PHF2: variants seen among roughly 807,000 people sequenced by gnomAD.
PHF2 encodes the protein PHD finger protein 2.
In PHF2, 27 loss-of-function variants were observed where a neutral mutation model predicts 120.5. That is an observed-to-expected ratio of 0.22 (90% CI 0.17 to 0.31). The LOEUF (loss-of-function observed/expected upper bound fraction) is 0.31. PHF2 is among the 10% of genes least tolerant of loss of function. PHF2 has a pLI of 1.00. For missense variants in PHF2, 1,024 were observed against 1,434.8 expected (o/e 0.71, Z 4.63); for synonymous variants, 568 against 592.5 (o/e 0.96, Z 0.60).
At chr9:93,591,064 C>T (rs1362367460) in intron 1 of PHF2, among the ~76,000 whole-genome samples, 2 of 152,188 alleles carry the variant, frequency 1.3e-5, no homozygotes, top group Non-Finnish European at 2.9e-5. Context: ...GATCCAACAT[C>T]ACTCAGCAGA....
Position 93,656,630 on chromosome 9 carries a change from G to A in PHF2, c.1147+35G>A, listed in dbSNP as rs1221302047. The A allele has an allele frequency of 1.3e-6, 2 of 1,484,080 alleles. No individual in the cohort carries two copies. The highest frequency in any genetic ancestry group is 1.9e-6 in the Non-Finnish European group (2 of 1,064,318). The allele number at this position is 1,484,080 out of a possible 1,614,324, so 91.9% of individuals were successfully genotyped here. ...ACTCCGGGGTGGGCGTCCAAGCCTG[G>A]GGCTCTTGGCTGTGGGGGCAGCCAG... On this transcript the variant is annotated intron_variant, in intron 9 of 21. Coordinates refer to ENST00000359246, the MANE Select transcript of PHF2 (RefSeq NM_005392.4). This position sits in a 1 kb window ranked among gnomAD's most constrained non-coding sequence, Gnocchi z 4.1.
At chr9:93,634,501 C>T (rs1030477197) in intron 2 of PHF2, among the ~76,000 whole-genome samples, 2 of 152,226 alleles carry the variant, frequency 1.3e-5, no homozygotes, top group Non-Finnish European at 2.9e-5. Context: ...CAGCCTTGCA[C>T]GGAGCCAAGA....
chr9:93,631,899 T>A (rs1431076610), intron 2 of PHF2, among the ~76,000 whole-genome samples: 1 of 152,000 alleles, frequency 6.6e-6, no homozygotes, highest in South Asian at 2.1e-4. Flanking sequence ...GAAAAGAAAG[T>A]GTCAGAAACC....
intron 7 of PHF2, among the ~76,000 whole-genome samples, chr9:93,655,048 A>G (rs981770940): frequency 1.6e-4 from 25 of 152,298 alleles, no homozygotes; most frequent in African/African-American, 5.8e-4. Flanking sequence ...GCTGAAGGAG[A>G]AGGCCCGTCA....
intron 1 of PHF2, among the ~76,000 whole-genome samples, chr9:93,619,091 A>G (rs1459502408): frequency 6.6e-6 from 1 of 151,812 alleles, no homozygotes; most frequent in Non-Finnish European, 1.5e-5. Context: ...GCAGAGGTGG[A>G]TCACCCCCAG....
At chr9:93,673,130 T>G (rs1826840920) in intron 17 of PHF2, among the ~76,000 whole-genome samples, 1 of 151,608 alleles carries the variant, frequency 6.6e-6, no homozygotes, top group South Asian at 2.1e-4. Context: ...CCCTACAAAG[T>G]GGGGTAAGGA....
intron 3 of PHF2, among the ~76,000 whole-genome samples, chr9:93,642,440 A>G (rs1194056968): frequency 6.6e-6 from 1 of 152,248 alleles, no homozygotes; most frequent in East Asian, 1.9e-4. Context: ...TATTTCAGCA[A>G]AGGCTTATGA....
At position 93,656,147 on chromosome 9, in the gene PHF2, C is replaced by G; in HGVS notation, c.1040+126C>G. The G allele has an allele frequency of 1.4e-6, 1 of 735,734 alleles. No individual in the cohort carries two copies. The highest frequency in any genetic ancestry group is 2.2e-5 in the Admixed American group (1 of 44,712). The allele number at this position is 735,734 out of a possible 1,614,324, so 45.6% of individuals were successfully genotyped here. The stretch of plus-strand genomic sequence containing the variant: ...CGCCTGTGGGTGGCCTGGACATGAC[C>G]GTCAGCCTCGGTGGGCCTCTTTGTG... On this transcript the variant is annotated intron_variant, in intron 8 of 21. Transcript: ENST00000359246. The surrounding 1 kb of genome is among the most constrained non-coding windows in gnomAD (Gnocchi z 4.1).
intron 4 of PHF2, 147 bp downstream of exon 4, chr9:93,645,936 C>T (rs867246582): frequency 1.7e-5 from 16 of 925,742 alleles, no homozygotes; most frequent in Admixed American, 1.4e-4. Flanking sequence ...ACTCTGTTCC[C>T]GGTGCTCTTA....
intron 4 of PHF2, among the ~76,000 whole-genome samples, chr9:93,647,402 G>A (rs1178732136): frequency 1.3e-5 from 2 of 152,168 alleles, no homozygotes; most frequent in Non-Finnish European, 2.9e-5. Flanking sequence ...GAAGCAGGGA[G>A]GAGATGGTTC....
chr9:93,585,716 T>C (rs1020153441), intron 1 of PHF2, among the ~76,000 whole-genome samples: 1 of 152,242 alleles, frequency 6.6e-6, no homozygotes, highest in Non-Finnish European at 1.5e-5. Flanking sequence ...CCCCAGCACC[T>C]TCACCCCACA....
chr9:93,626,031 T>G (rs970844109), intron 1 of PHF2, among the ~76,000 whole-genome samples: 1 of 151,852 alleles, frequency 6.6e-6, no homozygotes, highest in Non-Finnish European at 1.5e-5. Flanking sequence ...TCATCTGAGG[T>G]AAGGAGTTTG....
chr9:93,619,394 G>T (rs912386370), intron 1 of PHF2, among the ~76,000 whole-genome samples: 4 of 152,214 alleles, frequency 2.6e-5, no homozygotes, highest in African/African-American at 9.6e-5. Flanking sequence ...CTGGCATCCT[G>T]GGCTGGCACT....
intron 1 of PHF2, among the ~76,000 whole-genome samples, chr9:93,604,942 G>GAA (rs1438704684): frequency 5.3e-5 from 8 of 152,168 alleles, no homozygotes; most frequent in Admixed American, 5.2e-4. Context: ...CATTTCCCCA[G>GAA]AATCTTTCCT....
chr9:93,665,142 C>T (rs181257639), intron 14 of PHF2, among the ~76,000 whole-genome samples: 2 of 152,368 alleles, frequency 1.3e-5, no homozygotes, highest in East Asian at 3.9e-4. Flanking sequence ...TAGACTGTTA[C>T]ATCTATCCTG....
At chr9:93,601,776 C>T (rs1419635023) in intron 1 of PHF2, among the ~76,000 whole-genome samples, 2 of 152,098 alleles carry the variant, frequency 1.3e-5, no homozygotes, top group African/African-American at 4.8e-5. Context: ...GAATCAGTGG[C>T]TCATTAATTT....
At chr9:93,635,287 T>G (rs77133953) in intron 2 of PHF2, among the ~76,000 whole-genome samples, 9,176 of 151,648 alleles carry the variant, frequency 0.061, 387 homozygotes, top group Non-Finnish European at 0.088. Context: ...CACTGGGTGG[T>G]CATTAGCTCC....
chr9:93,674,200 G>C (rs999050558), intron 18 of PHF2, among the ~76,000 whole-genome samples: 1 of 152,038 alleles, frequency 6.6e-6, no homozygotes, highest in Non-Finnish European at 1.5e-5. Flanking sequence ...GGCATTCCTC[G>C]ACAGGCCCCG....
In PHF2 at chr9:93,644,045, C is replaced by T. The variant is rs796440713; in HGVS notation, c.300-1584C>T. Among the ~76,000 whole-genome samples, 4 of 152,182 alleles carry T rather than the reference C, an allele frequency of 2.6e-5. No individual in the cohort carries two copies. The South Asian group carries it at 6.2e-4, about 24-fold the overall frequency. On this transcript the variant is annotated intron_variant, in intron 3 of 21. Coordinates refer to ENST00000359246, the MANE Select transcript of PHF2 (RefSeq NM_005392.4). ...CTCTGCCCTGCTGCAGGCCACTGTC[C>T]GCACAGCAATGGACAACCCGCAGAC... is the stretch of plus-strand genomic sequence containing the variant.
Sources: allele counts gnomAD v4.1 joint callset (sites outside exome capture counted in the v4.1 genomes callset), GRCh38; gene constraint gnomAD v4.1.1; non-coding constraint Gnocchi (gnomAD v3.1); transcripts MANE v1.5; gene names NCBI Gene and HGNC (gene_info 2026-07-23, HGNC 2026-07-21).